The following EIF2AK1 variants were observed in gnomAD, a reference collection of about 807,000 sequenced individuals.
EIF2AK1 encodes the protein eukaryotic translation initiation factor 2 alpha kinase 1.
Under a neutral mutation model 77.9 loss-of-function variants are expected in EIF2AK1, and 54 were observed. That is an observed-to-expected ratio of 0.69 (90% CI 0.56 to 0.87). The LOEUF (loss-of-function observed/expected upper bound fraction) is 0.87. EIF2AK1 is among the 40% of genes least tolerant of loss of function. EIF2AK1 has a pLI of 0.00. For missense variants in EIF2AK1, 810 were observed against 768.6 expected (o/e 1.05, Z -0.64); for synonymous variants, 314 against 290.5 (o/e 1.08, Z -0.82).
intron 2 of EIF2AK1, 69 bp from the exon 3 acceptor site, chr7:6,050,114 C>G (rs1243820307): frequency 7.7e-7 from 1 of 1,306,660 alleles, no homozygotes; most frequent in Non-Finnish European, 1.1e-6. Flanking sequence ...AAAGTGTACA[C>G]AGAGAATAAC....
Position 6,023,697 on chromosome 7 carries a change from C to T in EIF2AK1, c.*976G>A, listed in dbSNP as rs950807957. 26 of 1,613,810 alleles carry T rather than the reference C, an allele frequency of 1.6e-5. No individual in the cohort carries two copies. Among genetic ancestry groups the T allele is most frequent in the Admixed American group, 1.2e-4 (7 of 59,970 alleles). ...CCCTCAAGCTCCTTAAGTGAATTGC[C>T]GTAACTGATTTTAAAGGGTTTAGAT... On this transcript the variant is annotated 3_prime_UTR_variant, in exon 15 of 15. Transcript: ENST00000199389.
At chr7:6,026,448 G>T in intron 14 of EIF2AK1, 1 of 604,658 alleles carries the variant, frequency 1.7e-6, no homozygotes, top group Non-Finnish European at 3.2e-6. Flanking sequence ...CCTTCGCTGT[G>T]GGGTTGGCCC....
chr7:6,037,400 AATG>A, intron 11 of EIF2AK1, 21 bp downstream of exon 11: 2 of 1,508,852 alleles, frequency 1.3e-6, no homozygotes, highest in Non-Finnish European at 1.8e-6. Flanking sequence ...CACTGCTTTC[AATG>A]ATTTCATCGC....
Position 6,035,865 on chromosome 7 carries a change from G to A in EIF2AK1, c.1332+1559C>T. The A allele has an allele frequency of 1.9e-6, 3 of 1,547,728 alleles. No homozygotes were observed. The highest frequency in any genetic ancestry group is 2.6e-6 in the Non-Finnish European group (3 of 1,145,010). On this transcript the variant is annotated intron_variant, in intron 11 of 14. Transcript: ENST00000199389. This position sits in a 1 kb window ranked among gnomAD's most constrained non-coding sequence, Gnocchi z 5.5. The stretch of plus-strand genomic sequence containing the variant: ...GCCCCTGAAGCTTGCAGTGTGCACT[G>A]CATCAAGCAAAGCAGGCCGACTCCT...
In EIF2AK1 at chr7:6,036,675, T is replaced by C. The variant is rs1788107524; in HGVS notation, c.1332+749A>G. On this transcript the variant is annotated intron_variant, in intron 11 of 14. Transcript: ENST00000199389. This position sits in a 1 kb window ranked among gnomAD's most constrained non-coding sequence, Gnocchi z 4.6. ...GACACAAATATATTTTCTCTCTTTC[T>C]TGATAGCCTTTTGTGGATAAAAATC... 6.6e-6 allele frequency among the ~76,000 whole-genome samples: 1 copy of C among 152,164 alleles called. No homozygotes were observed. Among genetic ancestry groups the C allele is most frequent in the Non-Finnish European group, 1.5e-5 (1 of 68,038 alleles).
In EIF2AK1 at chr7:6,023,844, T is replaced by C; in HGVS notation, c.*829A>G. On this transcript the variant is annotated 3_prime_UTR_variant, in exon 15 of 15. Transcript: ENST00000199389. ...AGCATCATGTAATTTATGGTTTTCA[T>C]TTTATTTAAAATTCAGCAAAATCAT... is the stretch of plus-strand genomic sequence containing the variant. 6.4e-7 allele frequency: 1 copy of C among 1,551,228 alleles called. No individual in the cohort carries two copies. The highest frequency in any genetic ancestry group is 8.7e-7 in the Non-Finnish European group (1 of 1,147,414).
chr7:6,042,557 T>C (rs891235692), intron 8 of EIF2AK1, among the ~76,000 whole-genome samples: 6 of 151,442 alleles, frequency 4.0e-5, no homozygotes, highest in African/African-American at 1.5e-4. Flanking sequence ...GAGCTCCTTG[T>C]AGCAAAAGAC....
rs1787976561 is a variant in EIF2AK1 at position 6,033,536 on chromosome 7, C to A, written c.1332+3888G>T. ...TTGCCATGGCCTTCAATAAGTTTAA[C>A]CACCAAAGTTAGGTGTGAAAAATAA... On this transcript the variant is annotated intron_variant, in intron 11 of 14. Coordinates refer to ENST00000199389, the MANE Select transcript of EIF2AK1 (RefSeq NM_014413.4). This position sits in a 1 kb window ranked among gnomAD's most constrained non-coding sequence, Gnocchi z 4.4. Among the ~76,000 whole-genome samples the A allele has an allele frequency of 2.0e-5, 3 of 152,160 alleles. No homozygotes were observed.
chr7:6,042,813 C>T lies in EIF2AK1; in HGVS notation c.791+120G>A. On this transcript the variant is annotated intron_variant, in intron 8 of 14. Transcript: ENST00000199389. ...CACAGGAGGCGGAGGTTGCAGTGAG[C>T]CAAGATTGTGCCACTGCACTCTAGT... The T allele has an allele frequency of 3.9e-6, 3 of 761,418 alleles. No homozygotes were observed. The South Asian group carries it at 5.4e-5, about 14-fold the overall frequency. The allele number at this position is 761,418 out of a possible 1,614,324, so 47.2% of individuals were successfully genotyped here.
chr7:6,029,876 G>A (rs1280581400), intron 11 of EIF2AK1, among the ~76,000 whole-genome samples: 3 of 151,894 alleles, frequency 2.0e-5, no homozygotes, highest in Admixed American at 6.6e-5. Flanking sequence ...CCAGCTACTC[G>A]GGAGGCTGAG....
rs1787681392 is a variant in EIF2AK1, at chr7:6,024,520, AG to A, written c.*152del. On this transcript the variant is annotated 3_prime_UTR_variant, in exon 15 of 15. Coordinates refer to ENST00000199389, the MANE Select transcript of EIF2AK1 (RefSeq NM_014413.4). ...ATTCAGGAAAAGGAGCTTGTGGGGC[AG>A]GAAGGGAAGGAACGGCAGCTTGGGG... The A allele has an allele frequency of 1.4e-6, 2 of 1,446,708 alleles. No individual in the cohort carries two copies. The highest frequency in any genetic ancestry group is 5.1e-5 in the East Asian group (2 of 39,134). The allele number at this position is 1,446,708 out of a possible 1,614,324, so 89.6% of individuals were successfully genotyped here. A position where few individuals can be genotyped will look rare whatever the true frequency, so the allele number is the denominator to read the frequency against.
chr7:6,042,098 G>A (rs1788315808), intron 8 of EIF2AK1, among the ~76,000 whole-genome samples: 2 of 152,080 alleles, frequency 1.3e-5, no homozygotes, highest in Non-Finnish European at 2.9e-5. Flanking sequence ...GCAATGAGCT[G>A]TGATCATACC....
rs61731537 is a variant in EIF2AK1 at position 6,038,617 on chromosome 7, A to G, written c.1174T>C (p.Trp392Arg). The change falls in exon 10 of 15, where the codon TGG becomes CGG. Residue 392 changes from tryptophan to arginine, a missense_variant. Physicochemically the swap from Trp to Arg is moderately radical, Grantham distance 101. Transcript: ENST00000199389. ...IQMQLCELSL[W>R]DWIVERNKRG... Reference sequence around the variant, plus strand: ...TTGTTTCTCTCGACTATCCAATCCCACAGCGAGAGCTCACACAGCTGCATC... The same window carrying G: ...TTGTTTCTCTCGACTATCCAATCCCGCAGCGAGAGCTCACACAGCTGCATC... 3,572 of 1,613,198 alleles carry G rather than the reference A, an allele frequency of 2.2e-3. 80 individuals carry two copies. The African/African-American group carries it at 0.04, about 18-fold the overall frequency.
intron 11 of EIF2AK1, among the ~76,000 whole-genome samples, chr7:6,031,224 G>A (rs1583478314): frequency 6.6e-6 from 1 of 152,104 alleles, no homozygotes; most frequent in African/African-American, 2.4e-5. Flanking sequence ...AAGTCTGGAC[G>A]CTTGGTTCCA....
chr7:6,026,819 T>G lies in EIF2AK1; in HGVS notation c.1673A>C (p.Lys558Thr). The change falls in exon 14 of 15, where the codon AAG (lysine) becomes ACG (threonine). Residue 558 changes from lysine to threonine, a missense_variant. Around this residue, in one of 3 missense-constraint regions of EIF2AK1, gnomAD observed 549 missense variants for 533.7 expected, o/e 1.03. Coordinates refer to ENST00000199389, the MANE Select transcript of EIF2AK1 (RefSeq NM_014413.4). ...SLRKRCPVQA[K>T]YIQHLTRRNS... ...CCTTCTCGTTAAGTGCTGGATATAC[T>G]TGGCTTGCACTGGACACCTTTTACG... 1.2e-6 allele frequency: 2 copies of G among 1,614,176 alleles called. No individual in the cohort carries two copies. Among genetic ancestry groups the G allele is most frequent in the Non-Finnish European group, 1.7e-6 (2 of 1,180,030 alleles).
Position 6,041,206 on chromosome 7 carries a change from C to T in EIF2AK1, c.805G>A (p.Val269Ile). ...GAGCTGCTACTTTCATCATTTTTAA[C>T]ACCACATTGCTCTCTGAAAAAAAAA... ...DQEEDREQCGVKNDESSSSSI... is the reference protein window; with the variant it reads ...DQEEDREQCGIKNDESSSSSI... Residue 269 changes from valine (V) to isoleucine (I), a missense_variant, in exon 9 of 15, where the codon GTT becomes ATT. Transcript: ENST00000199389. The T allele has an allele frequency of 1.3e-6, 2 of 1,596,312 alleles. No homozygotes were observed. The highest frequency in any genetic ancestry group is 1.7e-6 in the Non-Finnish European group (2 of 1,175,972).
intron 4 of EIF2AK1, 31 bp downstream of exon 4, chr7:6,048,776 C>G: frequency 6.6e-7 from 1 of 1,520,550 alleles, no homozygotes; most frequent in Admixed American, 2.0e-5. Flanking sequence ...TTTCAATAGT[C>G]TGCATAATCA....
At chr7:6,038,766 G>T in intron 9 of EIF2AK1, 95 bp from the exon 10 acceptor site, 2 of 1,033,468 alleles carry the variant, frequency 1.9e-6, no homozygotes, top group Non-Finnish European at 2.8e-6. Flanking sequence ...TCTGGGCCAA[G>T]AGAGTAGGCC....
chr7:6,046,076 T>G lies in EIF2AK1; in HGVS notation c.625A>C (p.Met209Leu). ...LIKGATKTVC[M>L]KVLREVKVLA... ...GTAATTTTTAAAAATCATACCTTCATGCAAACTGTTTTAGTTGCACCCTTA... is the reference window on the plus strand; with the variant it reads ...GTAATTTTTAAAAATCATACCTTCAGGCAAACTGTTTTAGTTGCACCCTTA... The change falls in exon 6 of 15, where the codon ATG (methionine) becomes CTG (leucine). Residue 209 changes from methionine to leucine, a missense_variant. This residue lies in a region of EIF2AK1 where 549 missense variants were observed against 533.7 expected (regional missense o/e 1.03). Transcript: ENST00000199389. 6.5e-7 allele frequency: 1 copy of G among 1,541,760 alleles called. No individual in the cohort carries two copies. The highest frequency in any genetic ancestry group is 8.8e-7 in the Non-Finnish European group (1 of 1,137,942).
Sources: gnomAD v4.1 joint callset for allele counts (sites outside exome capture counted in the v4.1 genomes callset) on GRCh38, gnomAD v4.1.1 for gene constraint, gnomAD v4.1.1 regional missense constraint, Gnocchi (gnomAD v3.1) non-coding constraint, MANE v1.5 for transcripts, NCBI Gene and HGNC (gene_info 2026-07-23, HGNC 2026-07-21) for gene names.